The following EFEMP2 variants were observed in gnomAD, a reference collection of about 807,000 sequenced individuals.
EFEMP2 encodes EGF-like fibulin extracellular matrix protein 2, also known as EGF-containing fibulin-like extracellular matrix protein 2.
EFEMP2 carries 21 observed loss-of-function variants against 55.3 expected under a neutral mutation model. The observed-to-expected ratio is 0.38, with a 90% CI of 0.27 to 0.55. The LOEUF is 0.55. Among genes scored for constraint, EFEMP2 ranks in the 20% least tolerant of loss-of-function variants. EFEMP2 has a pLI of 0.77. For missense variants in EFEMP2, 513 were observed against 615.1 expected (o/e 0.83, Z 1.76); for synonymous variants, 275 against 242.3 (o/e 1.14, Z -1.25).
intron 9 of EFEMP2, 116 bp from the exon 10 acceptor site, chr11:65,868,172 C>A: frequency 6.4e-7 from 1 of 1,563,136 alleles, no homozygotes; most frequent in Non-Finnish European, 8.7e-7. Context: ...GACTGGTTTT[C>A]ATGAAGGACT....
At chr11:65,867,402 T>C in intron 10 of EFEMP2, 1 of 473,972 alleles carries the variant, frequency 2.1e-6, no homozygotes, top group East Asian at 4.0e-5. Context: ...GCAGACTCCC[T>C]TCAGAGCATT....
intron 1 of EFEMP2, 126 bp downstream of exon 1, chr11:65,872,557 C>T (rs2134754159): frequency 2.3e-6 from 1 of 430,260 alleles, no homozygotes; most frequent in South Asian, 3.0e-5. Flanking sequence ...CCCGGCCACC[C>T]CGCCCCCGCC....
Position 65,870,658 on chromosome 11 carries a change from T to C in EFEMP2, c.368A>G (p.Asp123Gly), listed in dbSNP as rs778113193. ...YEPDDQDSCV[D>G]VDECAQALHD... ...CAGGGCCTGGGCACACTCGTCCACA[T>C]CTGCGAGAGACACCACTCAGCCCCT... is the stretch of plus-strand genomic sequence containing the variant. Residue 123 changes from aspartate (D) to glycine (G), a missense_variant and splice_region_variant, in exon 5 of 11, where the codon GAT becomes GGT. Coordinates refer to ENST00000307998, the MANE Select transcript of EFEMP2 (RefSeq NM_016938.5). 1 of 1,613,956 alleles carries C rather than the reference T, an allele frequency of 6.2e-7. No individual in the cohort carries two copies. The highest frequency in any genetic ancestry group is 8.5e-7 in the Non-Finnish European group (1 of 1,180,006).
Position 65,872,666 on chromosome 11 carries a change from C to T in EFEMP2, c.-8+17G>A. ...TCCGGCCCACGCCCTCCCCCACGGA[C>T]GGTCACAGCCACTCACTTGGGCCCG... On this transcript the variant is annotated intron_variant, in intron 1 of 10. Transcript: ENST00000307998. The T allele has an allele frequency of 3.2e-6, 1 of 314,892 alleles. No homozygotes were observed. The highest frequency in any genetic ancestry group is 6.2e-6 in the Non-Finnish European group (1 of 160,536). The allele number at this position is 314,892 out of a possible 1,614,324, so 19.5% of individuals were successfully genotyped here.
intron 4 of EFEMP2, 127 bp from the exon 5 acceptor site, chr11:65,870,785 G>A: frequency 7.0e-7 from 1 of 1,421,506 alleles, no homozygotes; most frequent in Non-Finnish European, 9.8e-7. Flanking sequence ...GGAGCCATCA[G>A]GAAAGGCACC....
chr11:65,869,581 A>C, intron 7 of EFEMP2: 1 of 487,164 alleles, frequency 2.1e-6, no homozygotes, highest in South Asian at 2.0e-5. Flanking sequence ...ATTCAAATGC[A>C]GGTAAATGCA....
In EFEMP2 at chr11:65,868,397, G is replaced by C. The variant is rs753778921; in HGVS notation, c.872C>G (p.Ala291Gly). 6.2e-7 allele frequency: 1 copy of C among 1,613,830 alleles called. No homozygotes were observed. Among genetic ancestry groups the C allele is most frequent in the Non-Finnish European group, 8.5e-7 (1 of 1,180,004 alleles). The change falls in exon 9 of 11, where the codon GCG (alanine) becomes GGG (glycine). Residue 291 changes from alanine to glycine, a missense_variant. Physicochemically the swap from Ala to Gly is moderately conservative, Grantham distance 60. Transcript: ENST00000307998. ...GGTTTGGGCCTCGGAGCACTGGTGC[G>C]CACCAGACTCACACTCATCAATGTC... ...CQDIDECESGAHQCSEAQTCV... is the reference protein window; with the variant it reads ...CQDIDECESGGHQCSEAQTCV...
intron 4 of EFEMP2, 194 bp downstream of exon 4, chr11:65,870,963 A>G: frequency 1.3e-6 from 1 of 755,620 alleles, no homozygotes; most frequent in Non-Finnish European, 2.2e-6. Context: ...AACCGAGGGG[A>G]GGGGCCCGGA....
At position 65,871,247 on chromosome 11, in the gene EFEMP2, C is replaced by T. The variant is rs2234462; in HGVS notation, c.277G>A (p.Gly93Ser). The change falls in exon 4 of 11, where the codon GGC (glycine) becomes AGC (serine). Residue 93 changes from glycine to serine, a missense_variant. Transcript: ENST00000307998. The stretch of plus-strand genomic sequence containing the variant: ...GGCACTGGTGGCGGGGGTCCCTCGC[C>T]GTGTAGGTCGTTGATGACGGCAGCG... ...RSAAVINDLH[G>S]EGPPPPVPPA... 6,627 of 1,614,018 alleles carry T rather than the reference C, an allele frequency of 4.1e-3. 20 individuals are homozygous for T. The highest frequency in any genetic ancestry group is 4.7e-3 in the Non-Finnish European group (5,514 of 1,179,904).
chr11:65,871,437 C>T (rs747652051), intron 3 of EFEMP2, 74 bp from the exon 4 acceptor site: 1 of 1,415,658 alleles, frequency 7.1e-7, no homozygotes, highest in Non-Finnish European at 1.0e-6. Flanking sequence ...AGGAACCCAG[C>T]TCGGCCTTCT....
intron 9 of EFEMP2, 39 bp downstream of exon 9, chr11:65,868,256 A>G (rs1565272956): frequency 6.2e-7 from 1 of 1,612,464 alleles, no homozygotes; most frequent in Non-Finnish European, 8.5e-7. Context: ...CCCCTGGGAG[A>G]CGTAGTTTCT....
At chr11:65,872,203 TA>T (rs1231479616) in intron 2 of EFEMP2, 40 bp downstream of exon 2, 2 of 1,533,612 alleles carry the variant, frequency 1.3e-6, no homozygotes, top group African/African-American at 1.4e-5. Flanking sequence ...TCTTCCTCCC[TA>T]CCCTTCCTGT....
chr11:65,867,841 G>A lies in EFEMP2; in HGVS notation c.1170+20C>T. 6.2e-7 allele frequency: 1 copy of A among 1,613,246 alleles called. No individual in the cohort carries two copies. Among genetic ancestry groups the A allele is most frequent in the Non-Finnish European group, 8.5e-7 (1 of 1,179,302 alleles). ...CAGTTTTAGATTGTGCATGTCAGTT[G>A]AGGGTTGCAGAAACCTTACCCTAAT... On this transcript the variant is annotated intron_variant, in intron 10 of 10. Transcript: ENST00000307998.
intron 1 of EFEMP2, 24 bp downstream of exon 1, chr11:65,872,659 C>T: frequency 3.1e-6 from 1 of 320,242 alleles, no homozygotes; most frequent in Non-Finnish European, 6.0e-6. Context: ...ACGCCCTCCC[C>T]CACGGACGGT....
At chr11:65,867,825 A>T in intron 10 of EFEMP2, 36 bp downstream of exon 10, 1 of 1,610,790 alleles carries the variant, frequency 6.2e-7, no homozygotes, top group Non-Finnish European at 8.5e-7. Flanking sequence ...TCAGTTTTAG[A>T]TTGTGCATGT....
rs755789962 is a variant in EFEMP2, at chr11:65,866,972, G to A, written c.1278C>T (p.Tyr426=). 6.2e-7 allele frequency: 1 copy of A among 1,614,210 alleles called. No homozygotes were observed. Among genetic ancestry groups the A allele is most frequent in the African/African-American group, 1.3e-5 (1 of 75,058 alleles). The stretch of plus-strand genomic sequence containing the variant: ...TGAGCCTCAGTACAGAGCTGGCCCG[G>A]TAGCTCATGAGGGAATTCATGGTGA... ...EMVTMNSLMS[Y]RASSVLRLTV... The change falls in exon 11 of 11, where the codon TAC becomes TAT. Residue 426 remains tyrosine, a synonymous_variant. Transcript: ENST00000307998.
chr11:65,872,721 G>A lies in EFEMP2; in HGVS notation c.-46C>T, dbSNP rs1205678352. On this transcript the variant is annotated 5_prime_UTR_variant, in exon 1 of 11. Transcript: ENST00000307998. ...ACCCCCGCGGCCCGCGGCTCTGGCG[G>A]CTCGGCTGGCTCGGGCAATGCCTGC... The A allele has an allele frequency of 5.6e-6, 2 of 354,180 alleles. No individual in the cohort carries two copies. The highest frequency in any genetic ancestry group is 3.3e-5 in the Admixed American group (1 of 30,562). 21.9% of individuals were successfully genotyped at this position (354,180 alleles called of 1,614,324 possible). A position where few individuals can be genotyped will look rare whatever the true frequency, so the allele number is the denominator to read the frequency against.
rs371117990 is a variant in EFEMP2 at position 65,869,939 on chromosome 11, C to A, written c.645G>T (p.Gln215His). 9 of 1,613,892 alleles carry A rather than the reference C, an allele frequency of 5.6e-6. No homozygotes were observed. In the African/African-American group the frequency reaches 1.2e-4, roughly 22 times the overall value. The change falls in exon 7 of 11, where the codon CAG becomes CAT. Residue 215 changes from glutamine (Q) to histidine (H), a missense_variant. Gln to His is a conservative substitution (Grantham distance 24). Transcript: ENST00000307998. ...NECDMGAPCEQRCFNSYGTFL... is the reference protein window; with the variant it reads ...NECDMGAPCEHRCFNSYGTFL... Reference sequence around the variant, plus strand: ...AGGTCCCATAGGAGTTGAAGCAGCGCTGCTCGCATGGGGCCCCCATGTCAC... The same window carrying A: ...AGGTCCCATAGGAGTTGAAGCAGCGATGCTCGCATGGGGCCCCCATGTCAC...
rs1859843001 is a variant in EFEMP2 at position 65,866,546 on chromosome 11, C to T, written c.*372G>A. ...GAGTTAGGAATGGAACCCAGGGCCT[C>T]CTGGCGCTGTCCAGAGTGGAGTTTC... On this transcript the variant is annotated 3_prime_UTR_variant, in exon 11 of 11. Coordinates refer to ENST00000307998, the MANE Select transcript of EFEMP2 (RefSeq NM_016938.5). The T allele has an allele frequency of 1.4e-6, 1 of 702,744 alleles. No homozygotes were observed. The highest frequency in any genetic ancestry group is 2.6e-6 in the Non-Finnish European group (1 of 384,988). The allele number at this position is 702,744 out of a possible 1,614,324, so 43.5% of individuals were successfully genotyped here.
Sources: allele counts gnomAD v4.1 joint callset, GRCh38; gene constraint gnomAD v4.1.1; transcripts MANE v1.5; gene names NCBI Gene and HGNC (gene_info 2026-07-23, HGNC 2026-07-21).